Variants in HRH1 observed in about 807,000 individuals in gnomAD.
HRH1 encodes histamine receptor H1.
HRH1 carries 6 observed loss-of-function variants against 10.3 expected under a neutral mutation model. The ratio of observed to expected loss-of-function variants is 0.58; its 90% CI spans 0.32 to 1.15. The LOEUF (loss-of-function observed/expected upper bound fraction) is 1.15. Among genes scored for constraint, HRH1 ranks in the 50% most tolerant of loss-of-function variants. The pLI is 0.05. For missense variants in HRH1, 514 were observed against 615.3 expected, an observed-to-expected ratio of 0.84 and a Z score of 1.74; for synonymous variants, 242 against 236.7, an observed-to-expected ratio of 1.02 and a Z score of -0.21.
At chr3:11,142,069 C>T (rs1006412422) in intron 1 of HRH1, among the ~76,000 whole-genome samples, 3 of 152,212 alleles carry the variant, frequency 2.0e-5, no homozygotes, top group African/African-American at 7.2e-5. Context: ...CCTTGGTCTA[C>T]AAGGTATGTG....
Position 11,187,349 on chromosome 3 carries a change from AT to A in HRH1, c.-36+32804del, listed in dbSNP as rs902537831. On this transcript the variant is annotated intron_variant, in intron 1 of 1. Coordinates refer to ENST00000431010, the MANE Select transcript of HRH1 (RefSeq NM_001098212.2). The stretch of plus-strand genomic sequence containing the variant: ...AAAGTCAGCTGAAAATCTGTCCGTA[AT>A]TTTTTTTTCTTTTAACTACAAAGGT... 3.3e-5 allele frequency among the ~76,000 whole-genome samples: 5 copies of A among 151,634 alleles called. No homozygotes were observed. In the East Asian group the frequency reaches 5.8e-4, roughly 18 times the overall value.
At chr3:11,207,438 C>CG (rs1176867221) in intron 1 of HRH1, among the ~76,000 whole-genome samples, 5 of 151,900 alleles carry the variant, frequency 3.3e-5, no homozygotes, top group East Asian at 1.9e-4. Context: ...GGTGTGGTGG[C>CG]GGCGCCTGTA....
chr3:11,170,448 A>T (rs1033449385), intron 1 of HRH1, among the ~76,000 whole-genome samples: 1 of 152,230 alleles, frequency 6.6e-6, no homozygotes, highest in Non-Finnish European at 1.5e-5. Flanking sequence ...CACACTGGGC[A>T]GTGGGAAGAT....
chr3:11,201,287 T>C (rs969322632), intron 1 of HRH1, among the ~76,000 whole-genome samples: 4 of 152,232 alleles, frequency 2.6e-5, no homozygotes, highest in Non-Finnish European at 5.9e-5. Flanking sequence ...GGATTTGACT[T>C]GCCCTGCTTG....
chr3:11,163,443 G>A (rs1369094443), intron 1 of HRH1, among the ~76,000 whole-genome samples: 1 of 152,188 alleles, frequency 6.6e-6, no homozygotes, highest in Non-Finnish European at 1.5e-5. Flanking sequence ...GCCTCAGAAG[G>A]CAGGGAACAG....
chr3:11,156,452 C>A (rs1429224730), intron 1 of HRH1, among the ~76,000 whole-genome samples: 1 of 152,170 alleles, frequency 6.6e-6, no homozygotes, highest in Non-Finnish European at 1.5e-5. Context: ...TCGACTCTCT[C>A]AGAATTCTGT....
intron 1 of HRH1, among the ~76,000 whole-genome samples, chr3:11,239,089 T>C (rs1167350676): frequency 2.0e-5 from 3 of 152,236 alleles, no homozygotes; most frequent in African/African-American, 4.8e-5. Flanking sequence ...ACTATCAGAT[T>C]GCTTTTCACA....
intron 1 of HRH1, among the ~76,000 whole-genome samples, chr3:11,257,436 T>A (rs1939811261): frequency 6.6e-6 from 1 of 151,788 alleles, no homozygotes; most frequent in Non-Finnish European, 1.5e-5. Context: ...GGCACACTCC[T>A]GTAATCCCAG....
chr3:11,215,706 G>A (rs1479070704), intron 1 of HRH1, among the ~76,000 whole-genome samples: 1 of 152,230 alleles, frequency 6.6e-6, no homozygotes, highest in Non-Finnish European at 1.5e-5. Flanking sequence ...CTCTCAGAGT[G>A]CTGGGATTAC....
At chr3:11,196,537 C>A (rs1937658167) in intron 1 of HRH1, among the ~76,000 whole-genome samples, 1 of 152,122 alleles carries the variant, frequency 6.6e-6, no homozygotes, top group Non-Finnish European at 1.5e-5. Context: ...CTCATCTACT[C>A]CTCTTCAACT....
At chr3:11,169,464 C>T (rs1290930204) in intron 1 of HRH1, among the ~76,000 whole-genome samples, 1 of 152,156 alleles carries the variant, frequency 6.6e-6, no homozygotes, top group African/African-American at 2.4e-5. Flanking sequence ...GCTCACACCC[C>T]AGCCCACCTT....
intron 1 of HRH1, among the ~76,000 whole-genome samples, chr3:11,257,559 CAAA>C (rs1235459388): frequency 2.0e-5 from 2 of 99,594 alleles, no homozygotes; most frequent in African/African-American, 3.6e-5. Context: ...GACTCCATCT[CAAA>C]AAAAAAAAAA....
chr3:11,220,403 G>T (rs1285545900), intron 1 of HRH1, among the ~76,000 whole-genome samples: 1 of 152,174 alleles, frequency 6.6e-6, no homozygotes, highest in African/African-American at 2.4e-5. Context: ...TACTGCTGAG[G>T]TGCAGTGTCC....
At chr3:11,202,348 T>G (rs1231495562) in intron 1 of HRH1, among the ~76,000 whole-genome samples, 1 of 151,466 alleles carries the variant, frequency 6.6e-6, no homozygotes, top group Non-Finnish European at 1.5e-5. Context: ...GAGGTTGCAG[T>G]GAGCCAAGAT....
At chr3:11,192,302 A>G (rs1463916014) in intron 1 of HRH1, among the ~76,000 whole-genome samples, 1 of 151,848 alleles carries the variant, frequency 6.6e-6, no homozygotes, top group Admixed American at 6.6e-5. Context: ...CACTATCCTG[A>G]TTTTTAACAA....
At chr3:11,246,416 A>G (rs1015089142) in intron 1 of HRH1, among the ~76,000 whole-genome samples, 2 of 152,192 alleles carry the variant, frequency 1.3e-5, no homozygotes, top group African/African-American at 2.4e-5. Flanking sequence ...AGTGGCGTGT[A>G]GTGACATGGG....
chr3:11,144,426 T>TAC (rs1936368695), intron 1 of HRH1, among the ~76,000 whole-genome samples: 1 of 149,958 alleles, frequency 6.7e-6, no homozygotes, highest in African/African-American at 2.4e-5. Flanking sequence ...TAGGTATATA[T>TAC]ACATATAGAC....
upstream of HRH1, among the ~76,000 whole-genome samples, chr3:11,151,798 C>A (rs957059474): frequency 6.6e-6 from 1 of 152,198 alleles, no homozygotes; most frequent in African/African-American, 2.4e-5. Context: ...AGCCACCATG[C>A]CCGGCCCATC....
At chr3:11,237,033 G>A (rs1006790507) in intron 1 of HRH1, among the ~76,000 whole-genome samples, 1 of 152,134 alleles carries the variant, frequency 6.6e-6, no homozygotes, top group South Asian at 2.1e-4. Flanking sequence ...CTTTGAAAGT[G>A]TATTTCTCAG....
Sources: gnomAD v4.1 joint callset for allele counts (sites outside exome capture counted in the v4.1 genomes callset) on GRCh38, gnomAD v4.1.1 for gene constraint, MANE v1.5 for transcripts, NCBI Gene and HGNC (gene_info 2026-07-23, HGNC 2026-07-21) for gene names.